HK2: variants seen among roughly 807,000 people sequenced by gnomAD.
HK2 encodes the protein hexokinase 2, also known as hexokinase-2.
A neutral mutation model predicts 92.9 loss-of-function variants in HK2; 42 were observed. The ratio of observed to expected loss-of-function variants is 0.45; its 90% CI spans 0.35 to 0.58. HK2 has a LOEUF of 0.58. HK2 is among the 20% of genes least tolerant of loss of function. The pLI is 0.00. For missense variants in HK2, 978 were observed against 1,245.1 expected, an observed-to-expected ratio of 0.79 and a Z score of 3.23; for synonymous variants, 422 against 468.0, an observed-to-expected ratio of 0.90 and a Z score of 1.27.
chr2:74,848,677 A>G lies in HK2; in HGVS notation c.64-5616A>G, dbSNP rs1027836154. 2.6e-5 allele frequency among the ~76,000 whole-genome samples: 4 copies of G among 152,178 alleles called. No individual in the cohort carries two copies. In the East Asian group the frequency reaches 5.8e-4, roughly 22 times the overall value. On this transcript the variant is annotated intron_variant, in intron 1 of 17. Transcript: ENST00000290573. The stretch of plus-strand genomic sequence containing the variant: ...TTTAAAACCCTTGAGTACCTTACTC[A>G]AGGTAGGATCTGTAGTACTTCATAT...
In HK2 at chr2:74,887,984, C is replaced by A. The variant is rs1030300441; in HGVS notation, c.2301C>A (p.Leu767=). ...TCGATTTCACCAAGCGTGGACTACT[C>A]TTCCGAGGCCGCATCTCAGAGCGGC... ...ILIDFTKRGL[L]FRGRISERLK... The change falls in exon 16 of 18, where the codon CTC becomes CTA. Residue 767 remains leucine, a synonymous_variant. Coordinates refer to ENST00000290573, the MANE Select transcript of HK2 (RefSeq NM_000189.5). 1 of 1,614,158 alleles carries A rather than the reference C, an allele frequency of 6.2e-7. No individual in the cohort carries two copies. The highest frequency in any genetic ancestry group is 1.3e-5 in the African/African-American group (1 of 75,052).
chr2:74,867,417 G>A (rs1373528170), intron 2 of HK2, among the ~76,000 whole-genome samples: 1 of 151,944 alleles, frequency 6.6e-6, no homozygotes, highest in African/African-American at 2.4e-5. Flanking sequence ...AAACAGCCCT[G>A]TGAGTTTCCA....
In HK2 at chr2:74,867,618, C is replaced by T. The variant is rs1298557311; in HGVS notation, c.227-18C>T. On this transcript the variant is annotated intron_variant, in intron 2 of 17. Coordinates refer to ENST00000290573, the MANE Select transcript of HK2 (RefSeq NM_000189.5). ...GAATTTTGCCCAAAATTAATAGTGG[C>T]CCTTCCTTTCTCTGCAGAACACGGA... The T allele has an allele frequency of 1.2e-6, 2 of 1,612,184 alleles. No individual in the cohort carries two copies. The highest frequency in any genetic ancestry group is 1.7e-6 in the Non-Finnish European group (2 of 1,179,838).
At chr2:74,836,308 C>G (rs1017607911) in intron 1 of HK2, among the ~76,000 whole-genome samples, 2 of 152,194 alleles carry the variant, frequency 1.3e-5, no homozygotes, top group African/African-American at 2.4e-5. Flanking sequence ...GGTTGGAACC[C>G]CGTTGGAGTT....
At position 74,889,432 on chromosome 2, in the gene HK2, A is replaced by C. The variant is rs143752008; in HGVS notation, c.2563A>C (p.Lys855Gln). The C allele has an allele frequency of 6.2e-7, 1 of 1,613,896 alleles. No individual in the cohort carries two copies. The highest frequency in any genetic ancestry group is 1.1e-5 in the South Asian group (1 of 91,002). Reference sequence around the variant, plus strand: ...AGAAAACCGTGGGCTGGACGCTCTCAAAGTGACAGTGGGTGTGGATGGGAC... The same window carrying C: ...AGAAAACCGTGGGCTGGACGCTCTCCAAGTGACAGTGGGTGTGGATGGGAC... ...IRENRGLDAL[K>Q]VTVGVDGTLY... Residue 855 changes from lysine (K) to glutamine (Q), a missense_variant, in exon 17 of 18, where the codon AAA becomes CAA. By Grantham distance (53) the Lys-to-Gln change is moderately conservative (BLOSUM62 1). Transcript: ENST00000290573.
At chr2:74,846,990 A>C (rs963924776) in intron 1 of HK2, among the ~76,000 whole-genome samples, 10 of 152,230 alleles carry the variant, frequency 6.6e-5, no homozygotes, top group Non-Finnish European at 1.5e-4. Flanking sequence ...CATGTTAAGA[A>C]AGGTGAAGTT....
chr2:74,845,244 C>T (rs1414782890), intron 1 of HK2, among the ~76,000 whole-genome samples: 1 of 152,238 alleles, frequency 6.6e-6, no homozygotes, highest in Non-Finnish European at 1.5e-5. Flanking sequence ...CCAATAGACT[C>T]AGCCCCTTCC....
Position 74,854,280 on chromosome 2 carries a change from C to T in HK2, c.64-13C>T, listed in dbSNP as rs750561945. 2.3e-5 allele frequency: 37 copies of T among 1,611,838 alleles called. No homozygotes were observed. The highest frequency in any genetic ancestry group is 3.1e-5 in the Non-Finnish European group (36 of 1,179,790). On this transcript the variant is annotated splice_polypyrimidine_tract_variant and intron_variant, in intron 1 of 17. Transcript: ENST00000290573. ...AACCAGTGGTTTCTGCTCTTGTCTT[C>T]CTCCTTTTTCAGGTTGACCAGTATC...
intron 3 of HK2, 101 bp from the exon 4 acceptor site, chr2:74,872,199 T>G: frequency 1.7e-6 from 2 of 1,208,766 alleles, no homozygotes; most frequent in Non-Finnish European, 1.2e-6. Flanking sequence ...ATATGGGTTT[T>G]GCACACATTC....
chr2:74,836,225 C>T (rs1363738828), intron 1 of HK2, among the ~76,000 whole-genome samples: 1 of 152,204 alleles, frequency 6.6e-6, no homozygotes, highest in East Asian at 1.9e-4. Flanking sequence ...GGGAGTTCTC[C>T]TTTGGGTATT....
intron 13 of HK2, among the ~76,000 whole-genome samples, chr2:74,885,819 G>T (rs1689513350): frequency 6.7e-6 from 1 of 149,540 alleles, no homozygotes; most frequent in African/African-American, 2.5e-5. Flanking sequence ...CCATGACCTA[G>T]TGGCAGGTGC....
chr2:74,871,075 A>G (rs1689087087), intron 3 of HK2, among the ~76,000 whole-genome samples: 1 of 152,166 alleles, frequency 6.6e-6, no homozygotes, highest in South Asian at 2.1e-4. Context: ...GTGGTTTGGC[A>G]TAGTGGTTCT....
chr2:74,838,204 G>C (rs552461648), intron 1 of HK2, among the ~76,000 whole-genome samples: 5 of 152,316 alleles, frequency 3.3e-5, no homozygotes, highest in South Asian at 2.1e-4. Flanking sequence ...AATCTTGGCT[G>C]TTAGGTTTGT....
intron 1 of HK2, among the ~76,000 whole-genome samples, chr2:74,835,855 T>G (rs1688153365): frequency 6.6e-6 from 1 of 152,212 alleles, no homozygotes; most frequent in South Asian, 2.1e-4. Flanking sequence ...GAAAATGTCT[T>G]GCCATTACCG....
chr2:74,855,775 A>T (rs1688681814), intron 2 of HK2, among the ~76,000 whole-genome samples: 2 of 152,164 alleles, frequency 1.3e-5, no homozygotes, highest in African/African-American at 4.8e-5. Context: ...AGGGGGAGCG[A>T]GGCCCAGCTG....
chr2:74,852,223 G>A (rs1200193989), intron 1 of HK2, among the ~76,000 whole-genome samples: 1 of 152,202 alleles, frequency 6.6e-6, no homozygotes, highest in Non-Finnish European at 1.5e-5. Context: ...TCCTGGATGT[G>A]GCCTCGCATT....
At chr2:74,838,692 C>T (rs1373370680) in intron 1 of HK2, among the ~76,000 whole-genome samples, 1 of 152,056 alleles carries the variant, frequency 6.6e-6, no homozygotes, top group African/African-American at 2.4e-5. Flanking sequence ...GCGCCTGCCA[C>T]CATGCCCGGG....
At chr2:74,865,537 G>A (rs1389213109) in intron 2 of HK2, among the ~76,000 whole-genome samples, 1 of 152,000 alleles carries the variant, frequency 6.6e-6, no homozygotes, top group Non-Finnish European at 1.5e-5. Flanking sequence ...CCTAGAATTT[G>A]GCTGAGTTCC....
chr2:74,859,625 A>G (rs1688773238), intron 2 of HK2, among the ~76,000 whole-genome samples: 1 of 152,064 alleles, frequency 6.6e-6, no homozygotes, highest in African/African-American at 2.4e-5. Flanking sequence ...ACAGAGCGAG[A>G]CTCCATCTCA....
Sources: gnomAD v4.1 joint callset for allele counts (sites outside exome capture counted in the v4.1 genomes callset) on GRCh38, gnomAD v4.1.1 for gene constraint, MANE v1.5 for transcripts, NCBI Gene and HGNC (gene_info 2026-07-23, HGNC 2026-07-21) for gene names.